Variants in CCND1 observed in about 807,000 individuals in gnomAD.
CCND1 encodes cyclin D1, also known as G1/S-specific cyclin-D1.
A neutral mutation model predicts 26.1 loss-of-function variants in CCND1; 9 were observed. That is an observed-to-expected ratio of 0.35 (90% CI 0.21 to 0.60). The LOEUF is 0.60. Ranked by LOEUF, CCND1 falls within the 20% of genes least tolerant of loss-of-function variation. The pLI is 0.79. For missense variants in CCND1, 335 were observed against 392.9 expected (o/e 0.85, Z 1.25); for synonymous variants, 194 against 166.1 (o/e 1.17, Z -1.29).
chr11:69,644,811 C>T (rs997432673), intron 3 of CCND1, among the ~76,000 whole-genome samples: 1 of 152,218 alleles, frequency 6.6e-6, no homozygotes, highest in African/African-American at 2.4e-5. Flanking sequence ...TGGTTACCTT[C>T]ATGGGGGAGC....
intron 3 of CCND1, 72 bp from the exon 4 acceptor site, chr11:69,647,922 G>A (rs1855804910): frequency 1.3e-6 from 2 of 1,568,412 alleles, no homozygotes; most frequent in Non-Finnish European, 1.7e-6. Context: ...AGCACACAGG[G>A]ATGCCCGGAT....
rs1855693542 is a variant in CCND1, at chr11:69,641,223, C to G, written c.-91C>G. ...CGCTCCGGCGAGGGGCAGAAGAGCG[C>G]GAGGGAGCGCGGGGCAGCAGAAGCG... On this transcript the variant is annotated 5_prime_UTR_variant, in exon 1 of 5. Transcript: ENST00000227507. 2 of 1,282,476 alleles carry G rather than the reference C, an allele frequency of 1.6e-6. No homozygotes were observed. The highest frequency in any genetic ancestry group is 1.1e-6 in the Non-Finnish European group (1 of 897,822). 79.4% of individuals were successfully genotyped at this position (1,282,476 alleles called of 1,614,324 possible). A position where few individuals can be genotyped will look rare whatever the true frequency, so the allele number is the denominator to read the frequency against.
intron 3 of CCND1, among the ~76,000 whole-genome samples, chr11:69,646,149 G>A (rs753162254): frequency 5.3e-5 from 8 of 152,174 alleles, no homozygotes; most frequent in South Asian, 2.1e-4. Context: ...CACAAGGTGC[G>A]GAGCCAGCTA....
At position 69,648,012 on chromosome 11, in the gene CCND1, A is replaced by G. The variant is rs759570740; in HGVS notation, c.593A>G (p.Asn198Ser). ...GCCTCAGATGTGAAGTTCATTTCCA[A>G]TCCGCCCTCCATGGTGGCAGCGGGG... ...LCATDVKFISNPPSMVAAGSV... is the reference protein window; with the variant it reads ...LCATDVKFISSPPSMVAAGSV... The change falls in exon 4 of 5, where the codon AAT becomes AGT. Residue 198 changes from asparagine (N) to serine (S), a missense_variant. Transcript: ENST00000227507. 2 of 1,613,854 alleles carry G rather than the reference A, an allele frequency of 1.2e-6. No homozygotes were observed. The highest frequency in any genetic ancestry group is 1.7e-6 in the Non-Finnish European group (2 of 1,179,970).
At position 69,653,024 on chromosome 11, in the gene CCND1, C is replaced by A. The variant is rs1459466939; in HGVS notation, c.*1742C>A. On this transcript the variant is annotated 3_prime_UTR_variant, in exon 5 of 5. Transcript: ENST00000227507. ...GTTCCGATGAATTCTTATCCCCTGC[C>A]CCTTCCTTTAAAAAACTTAGTGACA... The A allele has an allele frequency of 4.1e-6, 2 of 483,394 alleles. No individual in the cohort carries two copies. Among genetic ancestry groups the A allele is most frequent in the Non-Finnish European group, 7.3e-6 (2 of 275,288 alleles). 29.9% of individuals were successfully genotyped at this position (483,394 alleles called of 1,614,324 possible).
At position 69,653,288 on chromosome 11, in the gene CCND1, G is replaced by A. The variant is rs780180675; in HGVS notation, c.*2006G>A. On this transcript the variant is annotated 3_prime_UTR_variant, in exon 5 of 5. Transcript: ENST00000227507. ...GGCACGGTTTGGAAATATTCACATC[G>A]CTTCTGTGTATCTCTTTCACATTGT... 2.8e-5 allele frequency: 20 copies of A among 702,538 alleles called. No individual in the cohort carries two copies. The highest frequency in any genetic ancestry group is 2.4e-4 in the South Asian group (16 of 67,506). 43.5% of individuals were successfully genotyped at this position (702,538 alleles called of 1,614,324 possible).
chr11:69,648,165 G>T, intron 4 of CCND1, 23 bp downstream of exon 4: 1 of 1,612,930 alleles, frequency 6.2e-7, no homozygotes, highest in Non-Finnish European at 8.5e-7. Flanking sequence ...GATGTCCCAG[G>T]CAGCCTTGCC....
At chr11:69,643,326 GCGGC>G in intron 2 of CCND1, 80 bp downstream of exon 2, 1 of 1,199,952 alleles carries the variant, frequency 8.3e-7, no homozygotes, top group Non-Finnish European at 1.2e-6. Context: ...GCAGGCGGTG[GCGGC>G]CGGCCCGCCT....
rs377373695 is a variant in CCND1, at chr11:69,653,017, C to A, written c.*1735C>A. The A allele has an allele frequency of 4.2e-6, 2 of 472,246 alleles. No individual in the cohort carries two copies. The highest frequency in any genetic ancestry group is 3.4e-5 in the South Asian group (1 of 29,372). The allele number at this position is 472,246 out of a possible 1,614,324, so 29.3% of individuals were successfully genotyped here. A position where few individuals can be genotyped will look rare whatever the true frequency, so the allele number is the denominator to read the frequency against. On this transcript the variant is annotated 3_prime_UTR_variant, in exon 5 of 5. Coordinates refer to ENST00000227507, the MANE Select transcript of CCND1 (RefSeq NM_053056.3). ...AAGTTCGGTTCCGATGAATTCTTAT[C>A]CCCTGCCCCTTCCTTTAAAAAACTT...
In CCND1 at chr11:69,651,366, C is replaced by T. The variant is rs963666606; in HGVS notation, c.*84C>T. 12 of 1,193,056 alleles carry T rather than the reference C, an allele frequency of 1.0e-5. 1 individual carries two copies. Among genetic ancestry groups the T allele is most frequent in the South Asian group, 2.0e-5 (1 of 49,722 alleles). The allele number at this position is 1,193,056 out of a possible 1,614,324, so 73.9% of individuals were successfully genotyped here. A position where few individuals can be genotyped will look rare whatever the true frequency, so the allele number is the denominator to read the frequency against. ...TGCTCCCCTGACAGTCCCTCCTCTCCGGAGCATTTTGATACCAGAAGGGAA... is the reference window on the plus strand; with the variant it reads ...TGCTCCCCTGACAGTCCCTCCTCTCTGGAGCATTTTGATACCAGAAGGGAA... On this transcript the variant is annotated 3_prime_UTR_variant, in exon 5 of 5. Coordinates refer to ENST00000227507, the MANE Select transcript of CCND1 (RefSeq NM_053056.3).
chr11:69,651,205 G>A lies in CCND1; in HGVS notation c.811G>A (p.Ala271Thr), dbSNP rs759765773. 20 of 1,606,138 alleles carry A rather than the reference G, an allele frequency of 1.2e-5. No homozygotes were observed. Among genetic ancestry groups the A allele is most frequent in the Non-Finnish European group, 1.6e-5 (19 of 1,175,674 alleles). ...CCAGCAGAACATGGACCCCAAGGCC[G>A]CCGAGGAGGAGGAAGAGGAGGAGGA... ...QAQQNMDPKA[A>T]EEEEEEEEEV... is the part of the protein sequence containing the mutation. The change falls in exon 5 of 5, where the codon GCC (alanine) becomes ACC (threonine). Residue 271 changes from alanine (A) to threonine (T), a missense_variant. Transcript: ENST00000227507.
At position 69,651,469 on chromosome 11, in the gene CCND1, A is replaced by C. The variant is rs775791411; in HGVS notation, c.*187A>C. The C allele has an allele frequency of 4.2e-5, 20 of 478,370 alleles. No individual in the cohort carries two copies. The highest frequency in any genetic ancestry group is 3.2e-4 in the Admixed American group (8 of 24,926). 29.6% of individuals were successfully genotyped at this position (478,370 alleles called of 1,614,324 possible). ...CATCTCTGACTTAAGCAAAAGAAAA[A>C]GATTACCCAAAAACTGTCTTTAAAA... On this transcript the variant is annotated 3_prime_UTR_variant, in exon 5 of 5. Transcript: ENST00000227507.
chr11:69,642,289 T>G (rs1022621179), intron 1 of CCND1, among the ~76,000 whole-genome samples: 14 of 152,204 alleles, frequency 9.2e-5, no homozygotes, highest in South Asian at 2.1e-4. Context: ...TTGGAGGACC[T>G]TCTCCGAGCG....
chr11:69,653,932 A>G lies in CCND1; in HGVS notation c.*2650A>G. The G allele has an allele frequency of 1.8e-6, 1 of 548,986 alleles. No individual in the cohort carries two copies. The allele number at this position is 548,986 out of a possible 1,614,324, so 34.0% of individuals were successfully genotyped here. On this transcript the variant is annotated 3_prime_UTR_variant, in exon 5 of 5. Coordinates refer to ENST00000227507, the MANE Select transcript of CCND1 (RefSeq NM_053056.3). The stretch of plus-strand genomic sequence containing the variant: ...GTGTTCTGTTTGTTATTGTTTTGTT[A>G]ATTACACCATAATGCTAATTTAAAG...
intron 3 of CCND1, among the ~76,000 whole-genome samples, chr11:69,647,590 G>A (rs1855799249): frequency 1.3e-5 from 2 of 152,218 alleles, no homozygotes; most frequent in South Asian, 2.1e-4. Context: ...GAGGGTTAGG[G>A]TCATAGAAGC....
chr11:69,647,994 A>G lies in CCND1; in HGVS notation c.575A>G (p.Asp192Gly). The G allele has an allele frequency of 1.2e-6, 2 of 1,613,814 alleles. No individual in the cohort carries two copies. The highest frequency in any genetic ancestry group is 1.7e-6 in the Non-Finnish European group (2 of 1,179,992). Reference sequence around the variant, plus strand: ...CCTTCCCTCTCTCCTTCTGCCTCAGATGTGAAGTTCATTTCCAATCCGCCC... The same window carrying G: ...CCTTCCCTCTCTCCTTCTGCCTCAGGTGTGAAGTTCATTTCCAATCCGCCC... ...AQTFVALCAT[D>G]VKFISNPPSM... Residue 192 changes from aspartate to glycine, a missense_variant and splice_region_variant, in exon 4 of 5, where the codon GAT becomes GGT. Coordinates refer to ENST00000227507, the MANE Select transcript of CCND1 (RefSeq NM_053056.3).
intron 3 of CCND1, among the ~76,000 whole-genome samples, chr11:69,646,414 C>T (rs3212870): frequency 0.071 from 10,823 of 152,144 alleles, 609 homozygotes; most frequent in Non-Finnish European, 0.1. Context: ...TTAACAAGGC[C>T]GAAGTTGTTT....
chr11:69,648,449 G>GTGGT (rs1855813715), intron 4 of CCND1, among the ~76,000 whole-genome samples: 2 of 152,370 alleles, frequency 1.3e-5, no homozygotes, highest in South Asian at 2.1e-4. Flanking sequence ...AATGGTCTGT[G>GTGGT]TGGTGATGGT....
rs1197143821 is a variant in CCND1 at position 69,653,993 on chromosome 11, T to A, written c.*2711T>A. 1 of 596,488 alleles carries A rather than the reference T, an allele frequency of 1.7e-6. No individual in the cohort carries two copies. The highest frequency in any genetic ancestry group is 3.0e-6 in the Non-Finnish European group (1 of 334,890). 36.9% of individuals were successfully genotyped at this position (596,488 alleles called of 1,614,324 possible). A position where few individuals can be genotyped will look rare whatever the true frequency, so the allele number is the denominator to read the frequency against. On this transcript the variant is annotated 3_prime_UTR_variant, in exon 5 of 5. Coordinates refer to ENST00000227507, the MANE Select transcript of CCND1 (RefSeq NM_053056.3). ...TCTCAATGAAGCCAGCTCACAGTGCTGTGTGCCCCGGTCACCTAGCAAGCT... is the reference window on the plus strand; with the variant it reads ...TCTCAATGAAGCCAGCTCACAGTGCAGTGTGCCCCGGTCACCTAGCAAGCT...
Sources: gnomAD v4.1 joint callset for allele counts (sites outside exome capture counted in the v4.1 genomes callset) on GRCh38, gnomAD v4.1.1 for gene constraint, MANE v1.5 for transcripts, NCBI Gene and HGNC (gene_info 2026-07-23, HGNC 2026-07-21) for gene names.